STAT5B: variants seen among roughly 807,000 people sequenced by gnomAD.
STAT5B encodes the protein transcription factor STAT5B.
In STAT5B, 21 loss-of-function variants were observed where a neutral mutation model predicts 107.8. The ratio of observed to expected loss-of-function variants is 0.19; its 90% CI spans 0.14 to 0.28. STAT5B has a LOEUF of 0.28. Ranked by LOEUF, STAT5B falls within the 10% of genes least tolerant of loss-of-function variation. The pLI, the probability that STAT5B is intolerant of heterozygous loss-of-function variation, is 1.00. For synonymous variants in STAT5B, 325 were observed against 401.7 expected, an observed-to-expected ratio of 0.81 and a Z score of 2.28; for missense variants, 565 against 1,008.2, an observed-to-expected ratio of 0.56 and a Z score of 5.95.
At chr17:42,288,310 C>T in the STAT5B span, 1 of 152,174 alleles carries the variant, frequency 6.6e-6, no homozygotes, top group Non-Finnish European at 1.5e-5. The surrounding 1 kb of genome is among the most constrained non-coding windows in gnomAD (Gnocchi z 4.8). Flanking sequence ...AGCCCCCACG[C>T]CCGGCGCCGC....
chr17:42,221,983 CTGTGTGTGGTGTGG>C (rs2080230793), intron 5 of STAT5B, among the ~76,000 whole-genome samples: 2 of 108,104 alleles, frequency 1.9e-5, no homozygotes, highest in South Asian at 3.1e-4. Context: ...TGTGTGTGTG[CTGTGTGTGGTGTGG>C]TGTGTGTGTG....
intron 11 of STAT5B, among the ~76,000 whole-genome samples, chr17:42,216,577 A>G (rs1367085741): frequency 2.0e-5 from 3 of 152,092 alleles, no homozygotes; most frequent in Non-Finnish European, 4.4e-5. Flanking sequence ...GGGGTCTCAC[A>G]ACCAGCTCCA....
At position 42,217,452 on chromosome 17, in the gene STAT5B, G is replaced by T; in HGVS notation, c.1182C>A (p.Gly394=). 6.2e-7 allele frequency: 1 copy of T among 1,614,132 alleles called. No individual in the cohort carries two copies. Among genetic ancestry groups the T allele is most frequent in the Non-Finnish European group, 8.5e-7 (1 of 1,180,022 alleles). Residue 394 remains glycine (G), a synonymous_variant, in exon 10 of 19, where the codon GGC becomes GGA. Coordinates refer to ENST00000293328, the MANE Select transcript of STAT5B (RefSeq NM_012448.4). ...TGACGCAGCAGTTGTTCAAGATCTC[G>T]CCACTGTAATCACTGCAAATCAGAG... ...KNENTRNDYS[G]EILNNCCVME...
rs1055339717 is a variant in STAT5B, at chr17:42,200,958, G to A, written c.*780C>T. On this transcript the variant is annotated 3_prime_UTR_variant, in exon 19 of 19. Coordinates refer to ENST00000293328, the MANE Select transcript of STAT5B (RefSeq NM_012448.4). ...ATTGGCACTGTAAGCTCTCAGTTAC[G>A]TGGCCCTCTTTTCTCTCCTCTATTT... The A allele has an allele frequency of 2.3e-5, 9 of 397,890 alleles. No individual in the cohort carries two copies. Among genetic ancestry groups the A allele is most frequent in the Admixed American group, 4.4e-5 (1 of 22,740 alleles). The allele number at this position is 397,890 out of a possible 1,614,324, so 24.6% of individuals were successfully genotyped here. A position where few individuals can be genotyped will look rare whatever the true frequency, so the allele number is the denominator to read the frequency against.
chr17:42,203,920 C>G (rs2080066052), intron 16 of STAT5B, among the ~76,000 whole-genome samples: 1 of 152,006 alleles, frequency 6.6e-6, no homozygotes, highest in East Asian at 1.9e-4. Context: ...AGCCACGGTG[C>G]CTGGCCATCA....
intron 1 of STAT5B, chr17:42,274,764 C>A (rs1451595799): frequency 2.0e-5 from 3 of 152,128 alleles, no homozygotes; most frequent in African/African-American, 7.2e-5. Context: ...AAATGGACAA[C>A]AATAGAATGT....
intron 1 of STAT5B, among the ~76,000 whole-genome samples, chr17:42,241,736 C>T (rs1318921991): frequency 2.6e-5 from 4 of 152,228 alleles, no homozygotes; most frequent in African/African-American, 7.2e-5. Flanking sequence ...AGCCACCATG[C>T]CTAGCCTAGT....
In STAT5B at chr17:42,224,831, C is replaced by T; in HGVS notation, c.323G>A (p.Cys108Tyr). ...TTCATTGTACAATATATGGCGGATG[C>T]AGCGGACCAGCTCCATGGGGCAGCG... ...YDRCPMELVR[C>Y]IRHILYNEQR... Residue 108 changes from cysteine to tyrosine, a missense_variant, in exon 4 of 19, where the codon TGC (cysteine) becomes TAC (tyrosine). This residue lies in a region of STAT5B where 83 missense variants were observed against 145.1 expected (regional missense o/e 0.57). Transcript: ENST00000293328. 6.2e-6 allele frequency: 10 copies of T among 1,613,742 alleles called. No homozygotes were observed. Among genetic ancestry groups the T allele is most frequent in the Non-Finnish European group, 7.6e-6 (9 of 1,179,820 alleles).
chr17:42,223,518 G>C lies in STAT5B; in HGVS notation c.414C>G (p.Ser138=), dbSNP rs972800178. The change falls in exon 5 of 19, where the codon TCC becomes TCG. Residue 138 remains serine, a synonymous_variant. Transcript: ENST00000293328. The part of the protein sequence containing the change: ...SPAGSLADAM[S]QKHLQINQTF... ...TCTGGTTGATCTGGAGGTGTTTCTG[G>C]GACATGGCATCAGCAAGGCTTCCAG... 5.0e-6 allele frequency: 8 copies of C among 1,613,976 alleles called. No individual in the cohort carries two copies. Among genetic ancestry groups the C allele is most frequent in the Non-Finnish European group, 6.8e-6 (8 of 1,180,040 alleles).
At chr17:42,245,518 A>G (rs561076861) in intron 1 of STAT5B, among the ~76,000 whole-genome samples, 1 of 151,708 alleles carries the variant, frequency 6.6e-6, no homozygotes, top group East Asian at 2.0e-4. Context: ...ATGCCTGGCT[A>G]ATTTTTTATT....
chr17:42,263,875 A>G (rs1383694940), intron 1 of STAT5B, among the ~76,000 whole-genome samples: 153 of 42,082 alleles, frequency 3.6e-3, no homozygotes, highest in Middle Eastern at 0.013. Flanking sequence ...AAGCGCGCAC[A>G]CACACACACA....
At chr17:42,217,800 G>A in intron 9 of STAT5B, 1 of 440,046 alleles carries the variant, frequency 2.3e-6, no homozygotes, top group South Asian at 2.1e-5. Flanking sequence ...TGCCTCCCAG[G>A]TTCAAGGGAT....
At chr17:42,256,739 G>A (rs903736104) in intron 1 of STAT5B, among the ~76,000 whole-genome samples, 1 of 151,804 alleles carries the variant, frequency 6.6e-6, no homozygotes, top group Admixed American at 6.6e-5. Context: ...GCAGATGCCT[G>A]TAGTCCCAGC....
At chr17:42,215,892 G>T in intron 12 of STAT5B, 122 bp downstream of exon 12, 1 of 1,127,202 alleles carries the variant, frequency 8.9e-7, no homozygotes, top group Non-Finnish European at 1.3e-6. Context: ...AAAGTGCTGG[G>T]ATTACAAGTG....
intron 1 of STAT5B, among the ~76,000 whole-genome samples, chr17:42,249,161 G>C (rs2080476965): frequency 6.6e-6 from 1 of 152,236 alleles, no homozygotes. Flanking sequence ...GGAGGCCAAG[G>C]CCAGTGGATC....
chr17:42,232,840 GTTTTTTT>G (rs931007817), intron 1 of STAT5B, among the ~76,000 whole-genome samples: 2 of 133,336 alleles, frequency 1.5e-5, no homozygotes, highest in African/African-American at 5.5e-5. Flanking sequence ...TTAGCAGAGA[GTTTTTTT>G]TTTTTTTTTT....
rs552284339 is a variant in STAT5B at position 42,266,556 on chromosome 17, A to T, written c.-11+9692T>A. Among the ~76,000 whole-genome samples the T allele has an allele frequency of 1.4e-3, 209 of 151,968 alleles. 1 individual carries two copies. Among genetic ancestry groups the T allele is most frequent in the Middle Eastern group, 3.4e-3 (1 of 294 alleles). On this transcript the variant is annotated intron_variant, in intron 1 of 18. Coordinates refer to ENST00000293328, the MANE Select transcript of STAT5B (RefSeq NM_012448.4). ...CACTGTCTCAAAAAATAAAAAAAAA[A>T]AAAAAAAAATCATTCCCTTAAAATT...
intron 1 of STAT5B, chr17:42,275,258 T>C (rs1419624329): frequency 6.6e-6 from 1 of 152,196 alleles, no homozygotes; most frequent in Non-Finnish European, 1.5e-5. Context: ...TTGGCACTAT[T>C]TATTTGATAC....
In STAT5B at chr17:42,227,582, C is replaced by T; in HGVS notation, c.232G>A (p.Glu78Lys). Residue 78 changes from glutamate (E) to lysine (K), a missense_variant, in exon 3 of 19, where the codon GAA (glutamate) becomes AAA (lysine). This residue lies in a region of STAT5B where 83 missense variants were observed against 145.1 expected (regional missense o/e 0.57). Transcript: ENST00000293328. ...LQKKAEHQVG[E>K]DGFLLKIKLG... is the part of the protein sequence containing the mutation. ...TTGATCTTCAGTAAAAACCCATCTT[C>T]CCCCACCTGGTGCTCTGCCTTCTTC... The T allele has an allele frequency of 6.2e-7, 1 of 1,613,824 alleles. No homozygotes were observed. The highest frequency in any genetic ancestry group is 8.5e-7 in the Non-Finnish European group (1 of 1,179,926).
Sources: gnomAD v4.1 joint callset for allele counts (sites outside exome capture counted in the v4.1 genomes callset) on GRCh38, gnomAD v4.1.1 for gene constraint, gnomAD v4.1.1 regional missense constraint, Gnocchi (gnomAD v3.1) non-coding constraint, MANE v1.5 for transcripts, NCBI Gene and HGNC (gene_info 2026-07-23, HGNC 2026-07-21) for gene names.